The following HECW2 variants were observed in gnomAD, a reference collection of about 807,000 sequenced individuals.
The protein encoded by HECW2 is E3 ubiquitin-protein ligase HECW2.
Under a neutral mutation model 175.2 loss-of-function variants are expected in HECW2, and 61 were observed. The ratio of observed to expected loss-of-function variants is 0.35; its 90% CI spans 0.28 to 0.43. The LOEUF is 0.43. HECW2 is among the 20% of genes least tolerant of loss of function. HECW2 has a pLI of 1.00. For synonymous variants in HECW2, 671 were observed against 731.0 expected (o/e 0.92, Z 1.32); for missense variants, 1,524 against 2,000.5 (o/e 0.76, Z 4.54).
intron 28 of HECW2, 84 bp downstream of exon 28, chr2:196,215,781 A>G: frequency 1.1e-6 from 1 of 942,612 alleles, no homozygotes; most frequent in Non-Finnish European, 1.6e-6. Context: ...TTTTAATATA[A>G]AAGCAGTAAT....
In HECW2 at chr2:196,306,266, T is replaced by C. The variant is rs1278426533; in HGVS notation, c.2814+222A>G. On this transcript the variant is annotated intron_variant, in intron 13 of 28. Transcript: ENST00000644978. ...ATGAGAAATAAATTTCTGTTGCTTATAGGCCACCCAGCTTACAGTGCTTTG... is the reference window on the plus strand; with the variant it reads ...ATGAGAAATAAATTTCTGTTGCTTACAGGCCACCCAGCTTACAGTGCTTTG... Among the ~76,000 whole-genome samples, 5 of 152,216 alleles carry C rather than the reference T, an allele frequency of 3.3e-5. No individual in the cohort carries two copies. In the East Asian group the frequency reaches 9.6e-4, roughly 29 times the overall value.
At chr2:196,552,918 C>T (rs565248151) in intron 1 of HECW2, among the ~76,000 whole-genome samples, 2 of 152,194 alleles carry the variant, frequency 1.3e-5, no homozygotes, top group Non-Finnish European at 2.9e-5. Context: ...CTCAGTATAA[C>T]CCTAGAACCC....
chr2:196,291,024 C>T (rs1333316596), intron 14 of HECW2: 3 of 152,118 alleles, frequency 2.0e-5, no homozygotes. Flanking sequence ...GGGCTTCTCC[C>T]ATGCATTAAA....
chr2:196,206,863 T>C (rs962406399), intron 28 of HECW2, among the ~76,000 whole-genome samples: 1 of 152,198 alleles, frequency 6.6e-6, no homozygotes. Flanking sequence ...GATGGGCTAT[T>C]AGTGGCCCTG....
intron 1 of HECW2, among the ~76,000 whole-genome samples, chr2:196,497,273 A>G (rs1687426839): frequency 6.6e-6 from 1 of 152,178 alleles, no homozygotes; most frequent in South Asian, 2.1e-4. Context: ...TACGACTTTG[A>G]TTCCTAAAGC....
At chr2:196,277,138 C>T (rs879382522) in intron 15 of HECW2, among the ~76,000 whole-genome samples, 1 of 152,078 alleles carries the variant, frequency 6.6e-6, no homozygotes, top group Non-Finnish European at 1.5e-5. Context: ...TAAGACATTT[C>T]TTTTATATAT....
chr2:196,485,663 T>C (rs901865990), intron 1 of HECW2, among the ~76,000 whole-genome samples: 2 of 151,950 alleles, frequency 1.3e-5, no homozygotes, highest in South Asian at 2.1e-4. Context: ...ATAGTAAACA[T>C]CAACACATAA....
intron 19 of HECW2, among the ~76,000 whole-genome samples, chr2:196,252,787 C>A (rs984347502): frequency 6.6e-6 from 1 of 152,230 alleles, no homozygotes; most frequent in African/African-American, 2.4e-5. Flanking sequence ...GAATGTCCTT[C>A]TTTCTTTGGT....
At chr2:196,446,076 G>A (rs889503892) in intron 1 of HECW2, among the ~76,000 whole-genome samples, 16 of 152,154 alleles carry the variant, frequency 1.1e-4, no homozygotes, top group Middle Eastern at 3.2e-3. Flanking sequence ...CAGTGGTCTA[G>A]AAAGCCCCAC....
intron 6 of HECW2, 59 bp from the exon 7 acceptor site, chr2:196,322,679 C>T (rs1421252015): frequency 1.4e-6 from 2 of 1,446,706 alleles, no homozygotes; most frequent in East Asian, 2.3e-5. Context: ...GATACTATAT[C>T]ATTTTATTTG....
chr2:196,365,924 C>A (rs1693730835), intron 2 of HECW2, among the ~76,000 whole-genome samples: 1 of 152,102 alleles, frequency 6.6e-6, no homozygotes, highest in South Asian at 2.1e-4. Context: ...GATCACATAG[C>A]CAGAAACTAG....
At chr2:196,392,997 A>G (rs1694558603) in intron 2 of HECW2, among the ~76,000 whole-genome samples, 2 of 152,172 alleles carry the variant, frequency 1.3e-5, no homozygotes, top group African/African-American at 4.8e-5. Context: ...CAGAAATAAT[A>G]CCACACATCT....
At chr2:196,565,425 T>A (rs1053702413) in intron 1 of HECW2, among the ~76,000 whole-genome samples, 1 of 152,170 alleles carries the variant, frequency 6.6e-6, no homozygotes, top group Non-Finnish European at 1.5e-5. Context: ...TAAAAAAAAA[T>A]TTAACTTGAC....
rs1160140452 is a variant in HECW2, at chr2:196,323,915, G to GTTTTTTTTTTTTTTTTTTTTTT, written c.741+1064_741+1065insAAAAAAAAAAAAAAAAAAAAAA. Among the ~76,000 whole-genome samples, 2 of 68,800 alleles carry GTTTTTTTTTTTTTTTTTTTTTT rather than the reference G, an allele frequency of 2.9e-5. 1 individual carries two copies. 45.1% of individuals were successfully genotyped at this position (68,800 alleles called of 152,430 possible). A position where few individuals can be genotyped will look rare whatever the true frequency, so the allele number is the denominator to read the frequency against. On this transcript the variant is annotated intron_variant, in intron 6 of 28. Transcript: ENST00000644978. ...CCCTTAAGAGTTTTTTTTGTTTTTT[G>GTTTTTTTTTTTTTTTTTTTTTT]TTTGTTTTTTTTTTTTTTTTTTACC...
intron 28 of HECW2, among the ~76,000 whole-genome samples, chr2:196,212,549 G>A (rs1687329514): frequency 6.6e-6 from 1 of 152,174 alleles, no homozygotes; most frequent in Non-Finnish European, 1.5e-5. Flanking sequence ...TGGCTGCATA[G>A]TATTCCATGG....
chr2:196,290,260 G>T (rs897037827), intron 14 of HECW2: 1 of 152,194 alleles, frequency 6.6e-6, no homozygotes, highest in African/African-American at 2.4e-5. Flanking sequence ...GAACATGGTT[G>T]AGATAATGTT....
chr2:196,425,349 T>C (rs576831794), intron 2 of HECW2, among the ~76,000 whole-genome samples: 161 of 152,202 alleles, frequency 1.1e-3, no homozygotes, highest in Non-Finnish European at 2.0e-3. Flanking sequence ...CAAGGAGTAA[T>C]TTTGAATTTC....
intron 17 of HECW2, among the ~76,000 whole-genome samples, chr2:196,266,592 G>C (rs1689527408): frequency 6.6e-6 from 1 of 152,126 alleles, no homozygotes; most frequent in Admixed American, 6.6e-5. Flanking sequence ...GTAAATTCAT[G>C]CTATTTTCAC....
chr2:196,329,864 A>G (rs543373326), intron 4 of HECW2, among the ~76,000 whole-genome samples: 38 of 152,338 alleles, frequency 2.5e-4, no homozygotes, highest in Admixed American at 1.6e-3. Flanking sequence ...TAAAAAATAT[A>G]TAAGCTTCAA....
Sources: gnomAD v4.1 joint callset for allele counts (sites outside exome capture counted in the v4.1 genomes callset) on GRCh38, gnomAD v4.1.1 for gene constraint, MANE v1.5 for transcripts, NCBI Gene and HGNC (gene_info 2026-07-23, HGNC 2026-07-21) for gene names.